The following ACTR3C variants were observed in gnomAD, a reference collection of about 807,000 sequenced individuals.
ACTR3C encodes the protein actin-related protein 3C.
ACTR3C carries 18 observed loss-of-function variants against 26.3 expected under a neutral mutation model. The ratio of observed to expected loss-of-function variants is 0.68; its 90% confidence interval spans 0.47 to 1.01. The LOEUF (loss-of-function observed/expected upper bound fraction) is 1.01. Among genes scored for constraint, ACTR3C ranks in the 50% least tolerant of loss-of-function variants. ACTR3C has a pLI of 0.00. For missense variants in ACTR3C, 184 were observed against 250.7 expected (o/e 0.73, Z 1.80); for synonymous variants, 55 against 94.5 (o/e 0.58, Z 2.42).
At chr7:150,004,969 G>GT in the ACTR3C span, 2 of 152,220 alleles carry the variant, frequency 1.3e-5, no homozygotes, top group African/African-American at 4.8e-5. Context: ...CAGGGAGCAG[G>GT]TGAAACTGGA....
chr7:150,026,558 C>T, the ACTR3C span, among the ~76,000 whole-genome samples: 85,391 of 151,620 alleles, frequency 0.56, 24,796 homozygotes, highest in Admixed American at 0.63. Context: ...TTTGAGTGAA[C>T]ACTACAAATA....
the ACTR3C span, among the ~76,000 whole-genome samples, chr7:149,992,254 G>A: frequency 5.3e-5 from 8 of 152,232 alleles, no homozygotes; most frequent in South Asian, 4.1e-4. Context: ...ATAAATACAC[G>A]GTAGCAGACT....
the ACTR3C span, chr7:149,881,791 G>A: frequency 0.37 from 56,854 of 152,548 alleles, 11,948 homozygotes; most frequent in African/African-American, 0.58. Context: ...GCAGGTAGCC[G>A]GAAGACAACC....
At chr7:150,258,671 A>G (rs1209534035) in intron 6 of ACTR3C, among the ~76,000 whole-genome samples, 1 of 152,108 alleles carries the variant, frequency 6.6e-6, no homozygotes, top group Non-Finnish European at 1.5e-5. Flanking sequence ...AACCTCTGAA[A>G]TTCCCTCTCA....
At chr7:150,008,416 T>C in the ACTR3C span, among the ~76,000 whole-genome samples, 2 of 152,348 alleles carry the variant, frequency 1.3e-5, no homozygotes, top group East Asian at 1.9e-4. Context: ...GTGGCTCCAG[T>C]TCATCTGAAA....
chr7:149,934,470 G>A, the ACTR3C span, among the ~76,000 whole-genome samples: 3 of 152,110 alleles, frequency 2.0e-5, no homozygotes, highest in African/African-American at 4.8e-5. Context: ...ATATTCAAGA[G>A]GTTATTCACA....
chr7:149,889,056 T>TA, the ACTR3C span, among the ~76,000 whole-genome samples: 2 of 151,674 alleles, frequency 1.3e-5, no homozygotes, highest in South Asian at 2.1e-4. Flanking sequence ...AAACCATTGT[T>TA]AAAAAAATGA....
At chr7:150,023,458 C>T in the ACTR3C span, among the ~76,000 whole-genome samples, 1,369 of 151,074 alleles carry the variant, frequency 9.1e-3, 9 homozygotes, top group Middle Eastern at 0.031. Context: ...CTCAGCCTCC[C>T]GAGTAGCTGG....
At chr7:150,015,657 C>T in the ACTR3C span, among the ~76,000 whole-genome samples, 2 of 152,178 alleles carry the variant, frequency 1.3e-5, no homozygotes, top group African/African-American at 2.4e-5. Flanking sequence ...TATTACCACG[C>T]TCTTGACGTC....
At chr7:149,937,107 T>C in the ACTR3C span, among the ~76,000 whole-genome samples, 1 of 151,814 alleles carries the variant, frequency 6.6e-6, no homozygotes, top group African/African-American at 2.4e-5. Context: ...TTTTTTAATC[T>C]GCAATATAGA....
chr7:150,092,874 T>A, the ACTR3C span, among the ~76,000 whole-genome samples: 1 of 151,400 alleles, frequency 6.6e-6, no homozygotes, highest in South Asian at 2.1e-4. Context: ...ACTACCTCAC[T>A]ATCTGTGGAG....
chr7:150,198,082 G>A, the ACTR3C span, among the ~76,000 whole-genome samples: 1 of 151,520 alleles, frequency 6.6e-6, no homozygotes, highest in African/African-American at 2.5e-5. Context: ...CTAACCGCGA[G>A]TGATCCGCCA....
chr7:150,101,065 CTA>C, the ACTR3C span, among the ~76,000 whole-genome samples: 1 of 151,512 alleles, frequency 6.6e-6, no homozygotes, highest in African/African-American at 2.4e-5. Flanking sequence ...AGATACTAAA[CTA>C]TAAAAATAGC....
the ACTR3C span, among the ~76,000 whole-genome samples, chr7:150,161,810 A>G: frequency 6.6e-6 from 1 of 152,132 alleles, no homozygotes; most frequent in African/African-American, 2.4e-5. Flanking sequence ...TAACCCAAGG[A>G]TTACCTTCCT....
At chr7:150,201,413 A>G in the ACTR3C span, among the ~76,000 whole-genome samples, 1 of 152,186 alleles carries the variant, frequency 6.6e-6, no homozygotes, top group African/African-American at 2.4e-5. Context: ...ATGAGACATC[A>G]ATGTTTCCCA....
the ACTR3C span, among the ~76,000 whole-genome samples, chr7:150,125,049 T>C: frequency 5.9e-5 from 9 of 152,340 alleles, no homozygotes; most frequent in African/African-American, 2.2e-4. Context: ...CTATGCTATA[T>C]TGCTTTTGTC....
the ACTR3C span, among the ~76,000 whole-genome samples, chr7:150,201,786 G>A: frequency 6.6e-6 from 1 of 151,452 alleles, no homozygotes; most frequent in African/African-American, 2.4e-5. Context: ...TTTTTTGAAA[G>A]TTGGGTAACA....
rs377033759 is a variant in ACTR3C at position 150,263,735 on chromosome 7, G to A, written c.565-14681C>T. ...ACAAACAGTCTTTGCCTTTCAGAGG[G>A]AAAAAGACAGAATATCTGCAAAGAA... On this transcript the variant is annotated intron_variant, in intron 6 of 7. Coordinates refer to ENST00000683684, the MANE Select transcript of ACTR3C (RefSeq NM_001164458.2). Among the ~76,000 whole-genome samples the A allele has an allele frequency of 3.4e-4, 51 of 152,236 alleles. 1 individual carries two copies. The highest frequency in any genetic ancestry group is 1.2e-3 in the African/African-American group (49 of 41,542).
the ACTR3C span, among the ~76,000 whole-genome samples, chr7:149,952,152 C>G: frequency 6.7e-6 from 1 of 148,782 alleles, no homozygotes; most frequent in Non-Finnish European, 1.5e-5. Context: ...ATCATTTAAC[C>G]CTAAAAAAAA....
Sources: gnomAD v4.1 joint callset for allele counts (sites outside exome capture counted in the v4.1 genomes callset) on GRCh38, gnomAD v4.1.1 for gene constraint, MANE v1.5 for transcripts, NCBI Gene and HGNC (gene_info 2026-07-23, HGNC 2026-07-21) for gene names.